Variants in OR2V1 observed in about 807,000 individuals in gnomAD.
The protein encoded by OR2V1 is olfactory receptor family 2 subfamily V member 1, also known as olfactory receptor 2V1.
Under a neutral mutation model 15.0 loss-of-function variants are expected in OR2V1, and 18 were observed. The ratio of observed to expected loss-of-function variants is 1.20; its 90% CI spans 0.83 to 1.78. The LOEUF (loss-of-function observed/expected upper bound fraction) is 1.78. Among genes scored for constraint, OR2V1 ranks in the 40% most tolerant of loss-of-function variants. The pLI, the probability that OR2V1 is intolerant of heterozygous loss-of-function variation, is 0.00. For missense variants in OR2V1, 359 were observed against 392.9 expected (o/e 0.91, Z 0.73); for synonymous variants, 144 against 146.1 (o/e 0.99, Z 0.10).
At chr5:181,129,610 C>T (rs542273110) in intron 2 of OR2V1, 35 bp from the exon 3 acceptor site, 2 of 152,312 alleles carry the variant, frequency 1.3e-5, no homozygotes, top group Non-Finnish European at 2.9e-5. Flanking sequence ...TTATGAAACA[C>T]AACAGAATTT....
At position 181,124,933 on chromosome 5, in the gene OR2V1, G is replaced by T; in HGVS notation, c.372C>A (p.Tyr124Ter). The stretch of plus-strand genomic sequence containing the variant: ...AGTGAAGTGGGTGGCTAACGGCCAC[G>T]TAGCGGTCATAAGCCATGAGTCCCA... ...LLLGLMAYDRYVAVSHPLHYP... is the reference protein window; with the variant it reads ...LLLGLMAYDR Residue 124 changes from tyrosine (Y) to a stop codon, truncating the protein, a stop_gained, in exon 4 of 4, where the codon TAC (tyrosine) becomes TAA (stop). Transcript: ENST00000641551. LOFTEE classifies it high-confidence loss of function. The T allele has an allele frequency of 6.2e-7, 1 of 1,614,098 alleles. No homozygotes were observed. The highest frequency in any genetic ancestry group is 8.5e-7 in the Non-Finnish European group (1 of 1,179,998).
chr5:181,125,724 G>T (rs1483303377), intron 3 of OR2V1, among the ~76,000 whole-genome samples: 1 of 152,230 alleles, frequency 6.6e-6, no homozygotes, highest in African/African-American at 2.4e-5. Context: ...GGTGGCTCAC[G>T]CCTGTAATCC....
At chr5:181,127,730 G>T (rs1421520043) in intron 3 of OR2V1, among the ~76,000 whole-genome samples, 1 of 151,956 alleles carries the variant, frequency 6.6e-6, no homozygotes, top group Admixed American at 6.6e-5. Flanking sequence ...ATTTCTACAG[G>T]AGAGATCTAT....
Position 181,124,252 on chromosome 5 carries a change from C to T in OR2V1, c.*105G>A. 2 of 1,099,224 alleles carry T rather than the reference C, an allele frequency of 1.8e-6. No individual in the cohort carries two copies. The highest frequency in any genetic ancestry group is 2.5e-6 in the Non-Finnish European group (2 of 803,432). 68.1% of individuals were successfully genotyped at this position (1,099,224 alleles called of 1,614,324 possible). ...TGATGGCCAAAACCTATAAACCATCCAATGACCATCAACAGGTGAATGGAA... is the reference window on the plus strand; with the variant it reads ...TGATGGCCAAAACCTATAAACCATCTAATGACCATCAACAGGTGAATGGAA... On this transcript the variant is annotated 3_prime_UTR_variant, in exon 4 of 4. Coordinates refer to ENST00000641551, the MANE Select transcript of OR2V1 (RefSeq NM_001258283.2).
intron 3 of OR2V1, 35 bp from the exon 4 acceptor site, chr5:181,125,360 C>T: frequency 1.3e-6 from 2 of 1,498,064 alleles, no homozygotes; most frequent in African/African-American, 1.4e-5. Flanking sequence ...GATTGAGTGA[C>T]ATGTCTCTAT....
chr5:181,130,878 C>T (rs560339585), intron 1 of OR2V1, among the ~76,000 whole-genome samples, 172 bp downstream of exon 1: 1 of 152,300 alleles, frequency 6.6e-6, no homozygotes, highest in East Asian at 1.9e-4. Flanking sequence ...CATGGGGTCT[C>T]CATGTCACAG....
chr5:181,127,908 TC>T (rs1435868347), intron 3 of OR2V1, among the ~76,000 whole-genome samples: 5 of 148,098 alleles, frequency 3.4e-5, no homozygotes, highest in Non-Finnish European at 7.5e-5. Context: ...CACGTCCCAC[TC>T]CCCCCTCCCC....
rs775574244 is a variant in OR2V1 at position 181,124,565 on chromosome 5, G to A, written c.740C>T (p.Thr247Ile). The A allele has an allele frequency of 3.7e-6, 6 of 1,613,048 alleles. No individual in the cohort carries two copies. Among genetic ancestry groups the A allele is most frequent in the Non-Finnish European group, 4.2e-6 (5 of 1,179,468 alleles). ...KALATCSSHL[T>I]AVTLFYGAAM... ...TGCCCCATAGAAGAGGGTGACAGCT[G>A]TTAGGTGGGAGGAGCAGGTGGCCAG... is the stretch of plus-strand genomic sequence containing the variant. Residue 247 changes from threonine to isoleucine, a missense_variant, in exon 4 of 4, where the codon ACA becomes ATA. Coordinates refer to ENST00000641551, the MANE Select transcript of OR2V1 (RefSeq NM_001258283.2).
intron 3 of OR2V1, among the ~76,000 whole-genome samples, chr5:181,129,061 C>T (rs1470909823): frequency 2.0e-5 from 3 of 152,096 alleles, no homozygotes; most frequent in African/African-American, 7.2e-5. Context: ...GACCTCATCT[C>T]TATTCAAAAA....
chr5:181,124,073 C>G lies in OR2V1; in HGVS notation c.*284G>C, dbSNP rs1263471433. On this transcript the variant is annotated 3_prime_UTR_variant, in exon 4 of 4. Coordinates refer to ENST00000641551, the MANE Select transcript of OR2V1 (RefSeq NM_001258283.2). ...AAATTTAGTCCAAGGATGTCATAAA[C>G]AATCAACAATGACAATAATAGCAGC... is the stretch of plus-strand genomic sequence containing the variant. The G allele has an allele frequency of 6.1e-6, 2 of 330,246 alleles. No homozygotes were observed. The highest frequency in any genetic ancestry group is 1.1e-5 in the Non-Finnish European group (2 of 184,370). 20.5% of individuals were successfully genotyped at this position (330,246 alleles called of 1,614,324 possible).
At chr5:181,126,588 A>G (rs1184768453) in intron 3 of OR2V1, among the ~76,000 whole-genome samples, 2 of 152,126 alleles carry the variant, frequency 1.3e-5, no homozygotes, top group Non-Finnish European at 2.9e-5. Context: ...AGAAACACAT[A>G]GATACACGGA....
Position 181,124,115 on chromosome 5 carries a change from A to T in OR2V1, c.*242T>A. The T allele has an allele frequency of 2.6e-6, 1 of 384,528 alleles. No individual in the cohort carries two copies. Among genetic ancestry groups the T allele is most frequent in the Non-Finnish European group, 4.6e-6 (1 of 218,122 alleles). The allele number at this position is 384,528 out of a possible 1,614,324, so 23.8% of individuals were successfully genotyped here. ...AATAGCAGCCGTTGCTTCTTCATGG[A>T]GCTTTAGATTGACACATTGTGATCT... On this transcript the variant is annotated 3_prime_UTR_variant, in exon 4 of 4. Coordinates refer to ENST00000641551, the MANE Select transcript of OR2V1 (RefSeq NM_001258283.2).
chr5:181,130,842 C>A (rs1762951805), intron 1 of OR2V1, among the ~76,000 whole-genome samples: 1 of 152,150 alleles, frequency 6.6e-6, no homozygotes, highest in Non-Finnish European at 1.5e-5. Flanking sequence ...CACACATCAG[C>A]ACTTCCCAGC....
At position 181,123,501 on chromosome 5, in the gene OR2V1, A is replaced by G. The variant is rs1364426643; in HGVS notation, c.*856T>C. ...CAGGTCACAGGTAGGTGAGAGACAA[A>G]TGGTTGCAGTCTTTTGAGTTTCCGA... On this transcript the variant is annotated 3_prime_UTR_variant, in exon 4 of 4. Transcript: ENST00000641551. 1.3e-5 allele frequency: 2 copies of G among 159,166 alleles called. No homozygotes were observed. The highest frequency in any genetic ancestry group is 1.4e-5 in the Non-Finnish European group (1 of 72,774). The allele number at this position is 159,166 out of a possible 1,614,324, so 9.9% of individuals were successfully genotyped here.
At position 181,124,989 on chromosome 5, in the gene OR2V1, C is replaced by CA. The variant is rs757655532; in HGVS notation, c.315dup (p.Val106CysfsTer7). On this transcript the variant is annotated frameshift_variant, in exon 4 of 4. Coordinates refer to ENST00000641551, the MANE Select transcript of OR2V1 (RefSeq NM_001258283.2). LOFTEE classifies it high-confidence loss of function. ...AGCCCCTCAGATCCCACAAGAGAGA[C>CA]AAAAAAGCCAATTTGTATGCCACAG... 4.3e-6 allele frequency: 7 copies of CA among 1,614,064 alleles called. No individual in the cohort carries two copies. The highest frequency in any genetic ancestry group is 4.5e-5 in the East Asian group (2 of 44,880).
At chr5:181,129,758 G>A (rs560878887) in intron 2 of OR2V1, among the ~76,000 whole-genome samples, 183 bp from the exon 3 acceptor site, 1 of 152,202 alleles carries the variant, frequency 6.6e-6, no homozygotes, top group South Asian at 2.1e-4. Context: ...TATTCTCCCC[G>A]GCACGGGAGG....
At chr5:181,126,515 GACACAC>G (rs531733562) in intron 3 of OR2V1, among the ~76,000 whole-genome samples, 1 of 147,262 alleles carries the variant, frequency 6.8e-6, no homozygotes, top group Non-Finnish European at 1.5e-5. Flanking sequence ...CAGACATATA[GACACAC>G]ACACAGACAC....
chr5:181,124,893 T>C lies in OR2V1; in HGVS notation c.412A>G (p.Asn138Asp), dbSNP rs756381555. 4.3e-6 allele frequency: 7 copies of C among 1,613,270 alleles called. No individual in the cohort carries two copies. The highest frequency in any genetic ancestry group is 2.5e-6 in the Non-Finnish European group (3 of 1,179,590). Residue 138 changes from asparagine (N) to aspartate (D), a missense_variant, in exon 4 of 4, where the codon AAT becomes GAT. Coordinates refer to ENST00000641551, the MANE Select transcript of OR2V1 (RefSeq NM_001258283.2). Reference protein sequence around the residue: ...SHPLHYPILMNQRVCLQITGS... With the variant: ...SHPLHYPILMDQRVCLQITGS... Reference sequence around the variant, plus strand: ...GTAATCTGGAGACAGACCCTCTGATTCATGAGGATGGGATAGTGAAGTGGG... The same window carrying C: ...GTAATCTGGAGACAGACCCTCTGATCCATGAGGATGGGATAGTGAAGTGGG...
chr5:181,126,773 T>C (rs892250852), intron 3 of OR2V1, among the ~76,000 whole-genome samples: 4 of 151,628 alleles, frequency 2.6e-5, no homozygotes, highest in African/African-American at 9.7e-5. Context: ...AATACAGACA[T>C]ATACACAGAC....
Sources: allele counts gnomAD v4.1 joint callset (sites outside exome capture counted in the v4.1 genomes callset), GRCh38; gene constraint gnomAD v4.1.1; transcripts MANE v1.5; gene names NCBI Gene and HGNC (gene_info 2026-07-23, HGNC 2026-07-21).